Variants in TOM1L2 observed in about 807,000 individuals in gnomAD.
TOM1L2 encodes the protein TOM1-like protein 2.
TOM1L2 carries 31 observed loss-of-function variants against 67.9 expected under a neutral mutation model. The ratio of observed to expected loss-of-function variants is 0.46; its 90% CI spans 0.34 to 0.62. The LOEUF is 0.62. TOM1L2 is among the 20% of genes least tolerant of loss of function. The pLI is 0.01. For synonymous variants in TOM1L2, 256 were observed against 254.0 expected (o/e 1.01, Z -0.07); for missense variants, 606 against 663.5 (o/e 0.91, Z 0.95).
At chr17:17,912,248 T>C (rs1438256146) in intron 1 of TOM1L2, among the ~76,000 whole-genome samples, 2 of 148,070 alleles carry the variant, frequency 1.4e-5, no homozygotes, top group African/African-American at 5.0e-5. Context: ...GAGGCGCCCC[T>C]CACCTCCCGG....
chr17:17,906,958 G>C (rs558710568), intron 2 of TOM1L2, among the ~76,000 whole-genome samples: 1 of 152,370 alleles, frequency 6.6e-6, no homozygotes, highest in South Asian at 2.1e-4. Flanking sequence ...GTGCAGGAAT[G>C]CAGGAGGGGC....
intron 1 of TOM1L2, among the ~76,000 whole-genome samples, chr17:17,929,833 C>T (rs770540822): frequency 1.3e-5 from 2 of 152,244 alleles, no homozygotes; most frequent in Non-Finnish European, 2.9e-5. Context: ...TCAGATACCA[C>T]TTCTGCCCTA....
At chr17:17,862,445 T>G in intron 11 of TOM1L2, 3 of 280,494 alleles carry the variant, frequency 1.1e-5, no homozygotes, top group South Asian at 6.3e-5. Flanking sequence ...AGCAGCAGCA[T>G]GGGGAGAAAA....
intron 1 of TOM1L2, among the ~76,000 whole-genome samples, chr17:17,955,932 G>A (rs985333275): frequency 6.6e-6 from 1 of 152,110 alleles, no homozygotes; most frequent in Non-Finnish European, 1.5e-5. Flanking sequence ...GAAGTTGTTC[G>A]CTCCTACCGC....
At chr17:17,882,885 C>T (rs751134511) in intron 5 of TOM1L2, 22 bp from the exon 6 acceptor site, 6 of 1,612,902 alleles carry the variant, frequency 3.7e-6, no homozygotes, top group Middle Eastern at 1.7e-4. Flanking sequence ...ACAACAAAGT[C>T]CTCTGTTTAC....
chr17:17,868,039 G>C (rs2036952177), intron 8 of TOM1L2, among the ~76,000 whole-genome samples: 1 of 152,174 alleles, frequency 6.6e-6, no homozygotes, highest in Admixed American at 6.5e-5. Flanking sequence ...GGAGACTCTT[G>C]GGTGAAAATA....
chr17:17,896,857 C>A (rs1320029508), intron 3 of TOM1L2, among the ~76,000 whole-genome samples: 1 of 152,104 alleles, frequency 6.6e-6, no homozygotes, highest in African/African-American at 2.4e-5. Context: ...CCGGAGAGGG[C>A]CACAGGAAAC....
At chr17:17,922,275 A>G (rs1379125557) in intron 1 of TOM1L2, among the ~76,000 whole-genome samples, 4 of 152,018 alleles carry the variant, frequency 2.6e-5, no homozygotes, top group African/African-American at 7.3e-5. Context: ...ATCATAGGCT[A>G]TGCAAACAGC....
At chr17:17,852,426 C>T (rs1202039568) in intron 12 of TOM1L2, among the ~76,000 whole-genome samples, 1 of 152,244 alleles carries the variant, frequency 6.6e-6, no homozygotes, top group Admixed American at 6.5e-5. Flanking sequence ...TGGCCCCTTG[C>T]TCTGAGGAAT....
At chr17:17,878,759 T>C (rs907823377) in intron 7 of TOM1L2, among the ~76,000 whole-genome samples, 2 of 152,208 alleles carry the variant, frequency 1.3e-5, no homozygotes, top group Non-Finnish European at 2.9e-5. Flanking sequence ...TTGCCTCCCA[T>C]TGAAAAGTGT....
At chr17:17,950,955 G>T (rs889022506) in intron 1 of TOM1L2, among the ~76,000 whole-genome samples, 2 of 152,160 alleles carry the variant, frequency 1.3e-5, no homozygotes, top group Non-Finnish European at 2.9e-5. Context: ...TATGGGCAGG[G>T]AGGACCTACC....
intron 3 of TOM1L2, among the ~76,000 whole-genome samples, 157 bp from the exon 4 acceptor site, chr17:17,893,967 G>A (rs1272552790): frequency 6.6e-6 from 1 of 152,130 alleles, no homozygotes; most frequent in Non-Finnish European, 1.5e-5. Context: ...CATGGCACAC[G>A]CATTCCCACA....
intron 1 of TOM1L2, among the ~76,000 whole-genome samples, chr17:17,911,627 C>G (rs1199808889): frequency 6.6e-6 from 1 of 151,554 alleles, no homozygotes; most frequent in African/African-American, 2.4e-5. Flanking sequence ...CAACTTTGCT[C>G]TTGATTAGCT....
At chr17:17,893,606 A>G (rs1295432736) in intron 4 of TOM1L2, 55 bp downstream of exon 4, 12 of 1,533,936 alleles carry the variant, frequency 7.8e-6, no homozygotes, top group Admixed American at 1.9e-5. Flanking sequence ...GGACTCATCA[A>G]TAAGAGACTT....
At chr17:17,909,610 A>AT (rs1227149674) in intron 1 of TOM1L2, among the ~76,000 whole-genome samples, 3 of 149,060 alleles carry the variant, frequency 2.0e-5, no homozygotes, top group African/African-American at 7.4e-5. Flanking sequence ...GGGTGGGGGA[A>AT]TGGGGAGTTA....
intron 9 of TOM1L2, 74 bp downstream of exon 9, chr17:17,866,802 G>A: frequency 1.4e-6 from 2 of 1,395,988 alleles, no homozygotes; most frequent in Non-Finnish European, 2.0e-6. Context: ...AAAACTGGAG[G>A]TCTCTCCAGC....
intron 1 of TOM1L2, among the ~76,000 whole-genome samples, chr17:17,968,691 C>T (rs1448480387): frequency 6.7e-6 from 1 of 150,264 alleles, no homozygotes; most frequent in South Asian, 2.1e-4. Flanking sequence ...AGAATGTAGT[C>T]TTTGATGCCA....
rs546426773 is a variant in TOM1L2 at position 17,933,920 on chromosome 17, T to C, written c.53-26389A>G. Among the ~76,000 whole-genome samples, 5 of 152,204 alleles carry C rather than the reference T, an allele frequency of 3.3e-5. No homozygotes were observed. The East Asian group carries it at 9.7e-4, about 29-fold the overall frequency. On this transcript the variant is annotated intron_variant, in intron 1 of 14. Transcript: ENST00000379504. Reference sequence around the variant, plus strand: ...AAGAATGTGACTTGGGCCCAAAACATGGCTGAAGCATGAGACCCTGCCTGA... The same window carrying C: ...AAGAATGTGACTTGGGCCCAAAACACGGCTGAAGCATGAGACCCTGCCTGA...
At chr17:17,940,192 C>CAAAAAAAAAAAA (rs34433429) in intron 1 of TOM1L2, among the ~76,000 whole-genome samples, 3 of 32,604 alleles carry the variant, frequency 9.2e-5, no homozygotes, top group African/African-American at 2.6e-4. Flanking sequence ...GACTCTATCT[C>CAAAAAAAAAAAA]AAAAAAAAAA....
Sources: gnomAD v4.1 joint callset for allele counts (sites outside exome capture counted in the v4.1 genomes callset) on GRCh38, gnomAD v4.1.1 for gene constraint, MANE v1.5 for transcripts, NCBI Gene and HGNC (gene_info 2026-07-23, HGNC 2026-07-21) for gene names.